CNIH3: variants seen among roughly 807,000 people sequenced by gnomAD.
CNIH3 encodes cornichon family AMPA receptor auxiliary protein 3.
In CNIH3, 14 loss-of-function variants were observed where a neutral mutation model predicts 24.1. The ratio of observed to expected loss-of-function variants is 0.58; its 90% CI spans 0.38 to 0.91. The LOEUF is 0.91. Among genes scored for constraint, CNIH3 ranks in the 40% least tolerant of loss-of-function variants. CNIH3 has a pLI of 0.00. For synonymous variants in CNIH3, 68 were observed against 73.8 expected, an observed-to-expected ratio of 0.92 and a Z score of 0.40; for missense variants, 178 against 196.8, an observed-to-expected ratio of 0.90 and a Z score of 0.57.
intron 1 of CNIH3, among the ~76,000 whole-genome samples, chr1:224,457,486 C>G (rs1267734090): frequency 2.7e-5 from 4 of 150,290 alleles, no homozygotes; most frequent in Admixed American, 2.7e-4. Flanking sequence ...GGGTACCCAA[C>G]TGAATGGGAA....
intron 4 of CNIH3, among the ~76,000 whole-genome samples, chr1:224,572,862 CTTG>C (rs1019245505): frequency 8.5e-5 from 13 of 152,074 alleles, no homozygotes; most frequent in African/African-American, 2.4e-4. Flanking sequence ...AAGTTGGTTT[CTTG>C]TTGTTGTTGT....
chr1:224,553,955 T>C (rs1251874217), intron 3 of CNIH3, among the ~76,000 whole-genome samples: 1 of 152,128 alleles, frequency 6.6e-6, no homozygotes, highest in African/African-American at 2.4e-5. Context: ...CTGCTGCAGA[T>C]CAACCACTCA....
Position 224,616,505 on chromosome 1 carries a change from A to AT in CNIH3, c.-670_-669insT. On this transcript the variant is annotated 5_prime_UTR_variant, in exon 1 of 6. The change creates a new upstream start codon in the 5' untranslated region. Coordinates refer to ENST00000272133, the MANE Select transcript of CNIH3 (RefSeq NM_152495.2). ...TGGGTTGCGGAGGCCGGCTGGCCGG[A>AT]GTCACGGTTGGGGACGGGCGCGCCT... 1.0e-6 allele frequency: 1 copy of AT among 987,902 alleles called. No individual in the cohort carries two copies. 61.2% of individuals were successfully genotyped at this position (987,902 alleles called of 1,614,324 possible).
intron 2 of CNIH3, among the ~76,000 whole-genome samples, chr1:224,526,345 A>T (rs1678846025): frequency 6.6e-6 from 1 of 152,202 alleles, no homozygotes; most frequent in Non-Finnish European, 1.5e-5. Flanking sequence ...CTAATGAACC[A>T]TGAATGGGAT....
intron 1 of CNIH3, among the ~76,000 whole-genome samples, chr1:224,636,224 C>T (rs981943656): frequency 5.9e-5 from 9 of 152,124 alleles, no homozygotes; most frequent in Non-Finnish European, 1.2e-4. Context: ...TGGGTGAGTT[C>T]GGTTTACCAT....
At position 224,480,410 on chromosome 1, in the gene CNIH3, T is replaced by C. The variant is rs115731770; in HGVS notation, n.204-35331T>C. Among the ~76,000 whole-genome samples the C allele has an allele frequency of 6.7e-3, 1,024 of 152,330 alleles. 9 individuals carry two copies. Among genetic ancestry groups the C allele is most frequent in the African/African-American group, 0.023 (962 of 41,584 alleles). ...ATTGTCTTGGGGATTAACATTAGGC[T>C]TCTCCTCACTTGTGCAAATTTCTGC... On this transcript the variant is annotated intron_variant and non_coding_transcript_variant, in intron 1 of 5. Coordinates refer to the CNIH3 transcript ENST00000471578.
At chr1:224,621,617 C>G (rs79004243) in intron 1 of CNIH3, among the ~76,000 whole-genome samples, 3,753 of 152,278 alleles carry the variant, frequency 0.025, 151 homozygotes, top group African/African-American at 0.076. Flanking sequence ...CCCTCCGTCA[C>G]TGTCCATTGC....
intron 4 of CNIH3, among the ~76,000 whole-genome samples, chr1:224,733,801 C>A (rs1689456663): frequency 6.6e-6 from 1 of 152,054 alleles, no homozygotes; most frequent in Admixed American, 6.5e-5. Context: ...GAGGCTGTGG[C>A]CAGGTCCCTG....
intron 3 of CNIH3, chr1:224,717,596 C>T (rs1688492826): frequency 6.6e-6 from 1 of 152,230 alleles, no homozygotes; most frequent in Non-Finnish European, 1.5e-5. Flanking sequence ...TATATTCAGC[C>T]TTGGATTATA....
intron 1 of CNIH3, among the ~76,000 whole-genome samples, chr1:224,652,111 G>A (rs547941785): frequency 1.3e-5 from 2 of 152,236 alleles, no homozygotes; most frequent in East Asian, 3.9e-4. Context: ...TTCTTGCAAA[G>A]CAGGAATATT....
chr1:224,570,891 GA>G (rs2124999820), intron 4 of CNIH3, among the ~76,000 whole-genome samples: 1 of 151,784 alleles, frequency 6.6e-6, no homozygotes, highest in Admixed American at 6.6e-5. Flanking sequence ...AGATCCAATA[GA>G]AATAGGATCA....
intron 1 of CNIH3, among the ~76,000 whole-genome samples, chr1:224,495,642 T>C (rs987345690): frequency 6.6e-6 from 1 of 152,288 alleles, no homozygotes; most frequent in African/African-American, 2.4e-5. Flanking sequence ...AGGATTTTAC[T>C]GCTCCAAGGG....
intron 3 of CNIH3, among the ~76,000 whole-genome samples, chr1:224,609,924 C>T (rs1190806631): frequency 1.3e-5 from 2 of 152,212 alleles, no homozygotes; most frequent in African/African-American, 2.4e-5. Context: ...ACTTTACAGA[C>T]AGTCCCCGAC....
At chr1:224,672,924 G>A (rs1385367617) in intron 1 of CNIH3, among the ~76,000 whole-genome samples, 1 of 152,212 alleles carries the variant, frequency 6.6e-6, no homozygotes, top group Admixed American at 6.5e-5. Flanking sequence ...CCACTCATTA[G>A]AAAACTGCGC....
At chr1:224,463,711 A>G (rs1411016331) in intron 1 of CNIH3, among the ~76,000 whole-genome samples, 1 of 136,870 alleles carries the variant, frequency 7.3e-6, no homozygotes, top group Non-Finnish European at 1.6e-5. Flanking sequence ...CCGGCCTGAT[A>G]CAAGTCTTTT....
intron 1 of CNIH3, among the ~76,000 whole-genome samples, chr1:224,620,108 T>C (rs1683209787): frequency 6.6e-6 from 1 of 152,258 alleles, no homozygotes; most frequent in South Asian, 2.1e-4. Flanking sequence ...GTTGAAAATA[T>C]TTCAAGTTAC....
chr1:224,563,266 A>G (rs1052962481), intron 3 of CNIH3, among the ~76,000 whole-genome samples: 10 of 152,182 alleles, frequency 6.6e-5, no homozygotes, highest in African/African-American at 2.4e-4. Flanking sequence ...CCTTTATAGC[A>G]ACACAAAATG....
At chr1:224,618,472 G>C (rs4654058) in intron 1 of CNIH3, among the ~76,000 whole-genome samples, 93,595 of 152,120 alleles carry the variant, frequency 0.62, 29,571 homozygotes, top group East Asian at 0.78. Flanking sequence ...AGATGCCCTT[G>C]TTTTCTATAA....
rs573333201 is a variant in CNIH3 at position 224,547,293 on chromosome 1, A to G, written n.450+354A>G. 3.0e-4 allele frequency among the ~76,000 whole-genome samples: 46 copies of G among 152,076 alleles called. 1 individual carries two copies. The East Asian group carries it at 8.9e-3, about 29-fold the overall frequency. On this transcript the variant is annotated intron_variant and non_coding_transcript_variant, in intron 3 of 5. Transcript: ENST00000471578. ...AATATCCGAAAGGAGATATTACTCC[A>G]AATATCACAGTGGGTGTACACCCTG...
Sources: allele counts gnomAD v4.1 joint callset (sites outside exome capture counted in the v4.1 genomes callset), GRCh38; gene constraint gnomAD v4.1.1; transcripts MANE v1.5; gene names NCBI Gene and HGNC (gene_info 2026-07-23, HGNC 2026-07-21).